GRAMD1B: variants seen among roughly 807,000 people sequenced by gnomAD.
GRAMD1B encodes the protein GRAM domain containing 1B.
Under a neutral mutation model 99.7 loss-of-function variants are expected in GRAMD1B, and 37 were observed. The ratio of observed to expected loss-of-function variants is 0.37; its 90% CI spans 0.29 to 0.49. The LOEUF (loss-of-function observed/expected upper bound fraction) is 0.49, where lower values mean the gene tolerates loss of function less well. Ranked by LOEUF, GRAMD1B falls within the 20% of genes least tolerant of loss-of-function variation. The pLI, the probability that GRAMD1B is intolerant of heterozygous loss-of-function variation, is 0.98. For missense variants in GRAMD1B, 888 were observed against 1,009.2 expected (o/e 0.88, Z 1.63); for synonymous variants, 427 against 387.6 (o/e 1.10, Z -1.19).
chr11:123,391,765 T>C (rs1947290389), intron 1 of GRAMD1B, among the ~76,000 whole-genome samples: 1 of 152,204 alleles, frequency 6.6e-6, no homozygotes, highest in South Asian at 2.1e-4. Context: ...CAATTTTACT[T>C]AATTCTTTCA....
upstream of GRAMD1B, among the ~76,000 whole-genome samples, chr11:123,428,536 A>G (rs186790932): frequency 6.6e-6 from 1 of 152,318 alleles, no homozygotes; most frequent in East Asian, 1.9e-4. Context: ...TCTCTCCCTG[A>G]GGAAGAAATA....
chr11:123,557,977 CTTTTTTTTTTTTTT>C lies in GRAMD1B; in HGVS notation c.453-19379_453-19366del, dbSNP rs532091098. Reference sequence around the variant, plus strand: ...ATGGAGGAAAGGACATTCAGTGCAACTTTTTTTTTTTTTTTTTTTTTTTTAATGCAGAGTCTTGC... The same window carrying C: ...ATGGAGGAAAGGACATTCAGTGCAACTTTTTTTTTTAATGCAGAGTCTTGC... On this transcript the variant is annotated intron_variant, in intron 2 of 19. Transcript: ENST00000635736. Among the ~76,000 whole-genome samples the C allele has an allele frequency of 4.0e-5, 4 of 99,940 alleles. No homozygotes were observed. In the East Asian group the frequency reaches 1.4e-3, roughly 36 times the overall value. The allele number at this position is 99,940 out of a possible 152,430, so 65.6% of individuals were successfully genotyped here.
At chr11:123,372,183 C>T (rs144428327) in intron 1 of GRAMD1B, among the ~76,000 whole-genome samples, 1,577 of 152,276 alleles carry the variant, frequency 0.01, 15 homozygotes, top group Non-Finnish European at 0.015. Flanking sequence ...TCAATTTAGA[C>T]GTCAAACACG....
At chr11:123,458,537 C>A (rs926455633) in intron 1 of GRAMD1B, 4 of 152,162 alleles carry the variant, frequency 2.6e-5, no homozygotes, top group African/African-American at 9.7e-5. Flanking sequence ...GTCTTTAATC[C>A]AGTCAAACTG....
chr11:123,422,030 A>G (rs1297385491), intron 1 of GRAMD1B, among the ~76,000 whole-genome samples: 1 of 152,228 alleles, frequency 6.6e-6, no homozygotes, highest in Non-Finnish European at 1.5e-5. Flanking sequence ...AAGCTACAAA[A>G]AGACGTTGTA....
chr11:123,419,685 C>T (rs1018139257), intron 1 of GRAMD1B, among the ~76,000 whole-genome samples: 15 of 137,986 alleles, frequency 1.1e-4, no homozygotes, highest in Admixed American at 6.7e-4. Flanking sequence ...AGAAGGGAGT[C>T]GGGGAATTTC....
chr11:123,601,544 T>TG lies in GRAMD1B; in HGVS notation c.1050+997dup, dbSNP rs533156721. On this transcript the variant is annotated intron_variant, in intron 8 of 19. Transcript: ENST00000635736. ...GTGTGTGTGTGTGTGTGTGTGTGTG[T>TG]GTATGATTGACATGGGTGTATTTAA... Among the ~76,000 whole-genome samples the TG allele has an allele frequency of 5.3e-5, 8 of 150,704 alleles. No individual in the cohort carries two copies. In the East Asian group the frequency reaches 1.6e-3, roughly 30 times the overall value.
intron 2 of GRAMD1B, among the ~76,000 whole-genome samples, chr11:123,490,913 T>A (rs1938484502): frequency 6.6e-6 from 1 of 152,216 alleles, no homozygotes; most frequent in African/African-American, 2.4e-5. Flanking sequence ...AGGATCTGTT[T>A]TCTCTGTGTG....
At chr11:123,365,103 AC>A (rs1193399229) in intron 1 of GRAMD1B, among the ~76,000 whole-genome samples, 3 of 152,178 alleles carry the variant, frequency 2.0e-5, no homozygotes, top group Non-Finnish European at 4.4e-5. Context: ...AATTATTATT[AC>A]CCATGTTATA....
chr11:123,508,915 C>T (rs1940706183), intron 2 of GRAMD1B, among the ~76,000 whole-genome samples: 1 of 152,204 alleles, frequency 6.6e-6, no homozygotes. Context: ...CAACTCCAGA[C>T]ATCAGGTGAT....
intron 2 of GRAMD1B, among the ~76,000 whole-genome samples, chr11:123,554,506 T>C (rs1387966139): frequency 9.2e-6 from 1 of 109,254 alleles, no homozygotes; most frequent in Admixed American, 1.2e-4. Context: ...CTGGGCAACA[T>C]AGGGAGACCC....
chr11:123,488,690 C>G (rs1381273316), intron 2 of GRAMD1B, among the ~76,000 whole-genome samples: 1 of 139,954 alleles, frequency 7.1e-6, no homozygotes, highest in Admixed American at 7.0e-5. Context: ...CCCGTTGCCA[C>G]CCCATGGCCC....
chr11:123,433,603 A>G (rs999544821), intron 1 of GRAMD1B, among the ~76,000 whole-genome samples: 2 of 152,116 alleles, frequency 1.3e-5, no homozygotes, highest in Non-Finnish European at 2.9e-5. Flanking sequence ...TTAGTAGGCT[A>G]TAATGGTGCC....
chr11:123,573,125 G>A (rs558315341), intron 2 of GRAMD1B, among the ~76,000 whole-genome samples: 2 of 151,770 alleles, frequency 1.3e-5, no homozygotes, highest in East Asian at 2.0e-4. Context: ...GGTAGGGCCC[G>A]ATGGCTGGGG....
At chr11:123,612,923 C>T (rs1477291892) in intron 15 of GRAMD1B, 59 bp downstream of exon 15, 2 of 935,326 alleles carry the variant, frequency 2.1e-6, no homozygotes, top group Non-Finnish European at 3.4e-6. Flanking sequence ...TGCACTGCGG[C>T]CGCCCACCAT....
At position 123,608,744 on chromosome 11, in the gene GRAMD1B, C is replaced by T; in HGVS notation, c.1599C>T (p.Asp533=). 9.0e-6 allele frequency: 14 copies of T among 1,553,374 alleles called. No individual in the cohort carries two copies. The highest frequency in any genetic ancestry group is 1.2e-5 in the South Asian group (1 of 84,100). The change falls in exon 12 of 20, where the codon GAC becomes GAT. Residue 533 remains aspartate, a synonymous_variant. Transcript: ENST00000635736. ...VFNFSVDKLY[D]LLFTNSPFQR... is the part of the protein sequence containing the mutation. ...ACTTCAGCGTGGACAAGCTCTATGA[C>T]CTCCTCTTCACCAACTCGCCCTTCC...
chr11:123,579,667 G>A (rs368738873), intron 3 of GRAMD1B, among the ~76,000 whole-genome samples: 4 of 152,062 alleles, frequency 2.6e-5, no homozygotes, highest in East Asian at 3.9e-4. Flanking sequence ...GCAAGAGGGT[G>A]GATATGGCCT....
At chr11:123,570,203 C>T (rs1222728844) in intron 2 of GRAMD1B, among the ~76,000 whole-genome samples, 1 of 152,092 alleles carries the variant, frequency 6.6e-6, no homozygotes, top group East Asian at 1.9e-4. Context: ...TTTTGAAATG[C>T]AGATTCCTGA....
At chr11:123,432,141 A>G in intron 1 of GRAMD1B, 1 of 398,466 alleles carries the variant, frequency 2.5e-6, no homozygotes, top group Non-Finnish European at 4.4e-6. Context: ...GTACTTACTG[A>G]ATATTTCTGT....
Sources: allele counts gnomAD v4.1 joint callset (sites outside exome capture counted in the v4.1 genomes callset), GRCh38; gene constraint gnomAD v4.1.1; transcripts MANE v1.5; gene names NCBI Gene and HGNC (gene_info 2026-07-23, HGNC 2026-07-21).